Variants in PRKCE observed in about 807,000 individuals in gnomAD.
PRKCE encodes protein kinase C epsilon type.
In PRKCE, 16 loss-of-function variants were observed where a neutral mutation model predicts 85.4. The observed-to-expected ratio is 0.19, with a 90% confidence interval of 0.13 to 0.28. PRKCE has a LOEUF of 0.28. PRKCE is among the 10% of genes least tolerant of loss of function. PRKCE has a pLI of 1.00. For synonymous variants in PRKCE, 388 were observed against 371.5 expected (o/e 1.04, Z -0.51); for missense variants, 573 against 975.2 (o/e 0.59, Z 5.49).
At chr2:46,156,273 C>A (rs1677197826) in intron 13 of PRKCE, among the ~76,000 whole-genome samples, 3 of 152,128 alleles carry the variant, frequency 2.0e-5, no homozygotes, top group Non-Finnish European at 4.4e-5. Context: ...TAGGTACATT[C>A]CTCCTTCAGG....
At chr2:46,076,454 T>C (rs908819355) in intron 10 of PRKCE, among the ~76,000 whole-genome samples, 1 of 152,158 alleles carries the variant, frequency 6.6e-6, no homozygotes, top group African/African-American at 2.4e-5. Context: ...GGTCATTCCC[T>C]GGGATAAGCA....
chr2:46,108,342 C>T (rs1286199662), intron 11 of PRKCE, among the ~76,000 whole-genome samples: 1 of 152,204 alleles, frequency 6.6e-6, no homozygotes, highest in South Asian at 2.1e-4. Context: ...TTAATGAAAT[C>T]ATATCTTTTG....
At chr2:46,118,866 A>G (rs1673035462) in intron 11 of PRKCE, among the ~76,000 whole-genome samples, 1 of 152,180 alleles carries the variant, frequency 6.6e-6, no homozygotes, top group African/African-American at 2.4e-5. Flanking sequence ...AGCCTCCAAG[A>G]AAGCAGAGAC....
intron 1 of PRKCE, among the ~76,000 whole-genome samples, chr2:45,787,564 T>C (rs942706343): frequency 6.6e-6 from 1 of 152,072 alleles, no homozygotes; most frequent in Non-Finnish European, 1.5e-5. Flanking sequence ...GGGAACCTGA[T>C]GAGAGGGAGG....
intron 1 of PRKCE, among the ~76,000 whole-genome samples, chr2:45,654,463 G>A (rs1196911001): frequency 2.0e-5 from 3 of 152,240 alleles, no homozygotes; most frequent in South Asian, 2.1e-4. Flanking sequence ...GTTGGGGACC[G>A]AGGGTCACAT....
intron 1 of PRKCE, among the ~76,000 whole-genome samples, chr2:45,773,898 G>A (rs2104937909): frequency 6.6e-6 from 1 of 152,280 alleles, no homozygotes; most frequent in East Asian, 1.9e-4. Flanking sequence ...CTGGGCAGCT[G>A]CCCAAGGCTG....
intron 1 of PRKCE, among the ~76,000 whole-genome samples, chr2:45,660,423 CCT>C (rs2103739604): frequency 6.6e-6 from 1 of 152,204 alleles, no homozygotes; most frequent in South Asian, 2.1e-4. Flanking sequence ...AATTTTCTAC[CCT>C]CTGAGTGCCC....
intron 2 of PRKCE, among the ~76,000 whole-genome samples, chr2:45,950,575 G>T (rs1033056091): frequency 2.6e-5 from 4 of 152,124 alleles, no homozygotes; most frequent in Non-Finnish European, 5.9e-5. Flanking sequence ...CATTACCAGG[G>T]TTTATGCTCG....
At chr2:46,043,230 C>G (rs544553094) in intron 10 of PRKCE, among the ~76,000 whole-genome samples, 2 of 152,130 alleles carry the variant, frequency 1.3e-5, no homozygotes, top group Non-Finnish European at 2.9e-5. Flanking sequence ...ACAATTAGGT[C>G]CTTAATCTGT....
chr2:45,881,333 C>G (rs1489116738), intron 2 of PRKCE, among the ~76,000 whole-genome samples: 6 of 152,040 alleles, frequency 3.9e-5, no homozygotes, highest in Non-Finnish European at 7.4e-5. Flanking sequence ...GGCTGGAAAA[C>G]AAAGGATGAG....
chr2:45,837,227 A>C (rs1690957286), intron 1 of PRKCE, among the ~76,000 whole-genome samples: 1 of 152,204 alleles, frequency 6.6e-6, no homozygotes, highest in Non-Finnish European at 1.5e-5. Flanking sequence ...AGGAAGAAAC[A>C]TGAGACTGAG....
intron 10 of PRKCE, among the ~76,000 whole-genome samples, chr2:46,070,291 C>A (rs2103721676): frequency 6.6e-6 from 1 of 152,262 alleles, no homozygotes; most frequent in Non-Finnish European, 1.5e-5. Context: ...CTGTGTGGAC[C>A]CTCAATACAC....
chr2:45,979,103 T>C, intron 4 of PRKCE, 93 bp downstream of exon 4: 1 of 1,194,168 alleles, frequency 8.4e-7, no homozygotes, highest in Non-Finnish European at 1.2e-6. Flanking sequence ...TCTGATGACA[T>C]TTGGAGGCTC....
intron 1 of PRKCE, among the ~76,000 whole-genome samples, chr2:45,787,887 G>A (rs1383711692): frequency 6.6e-6 from 1 of 152,130 alleles, no homozygotes; most frequent in Non-Finnish European, 1.5e-5. Flanking sequence ...TGTAACCAGC[G>A]GCCCATCCAG....
At chr2:45,957,255 G>T (rs1701034752) in intron 2 of PRKCE, among the ~76,000 whole-genome samples, 1 of 152,274 alleles carries the variant, frequency 6.6e-6, no homozygotes, top group Admixed American at 6.5e-5. Flanking sequence ...TATAGTTTAG[G>T]TTTTACGTTT....
chr2:45,872,434 C>T (rs2105759316), intron 2 of PRKCE, among the ~76,000 whole-genome samples: 1 of 152,276 alleles, frequency 6.6e-6, no homozygotes, highest in South Asian at 2.1e-4. Context: ...TGAATTAAAG[C>T]TGGAGTCGTA....
At chr2:45,740,473 T>C (rs966686868) in intron 1 of PRKCE, among the ~76,000 whole-genome samples, 1 of 152,098 alleles carries the variant, frequency 6.6e-6, no homozygotes, top group South Asian at 2.1e-4. Context: ...TCCTTTATGC[T>C]CTTTCCCCCT....
chr2:45,703,280 T>C (rs928979221), intron 1 of PRKCE, among the ~76,000 whole-genome samples: 2 of 152,068 alleles, frequency 1.3e-5, no homozygotes, highest in African/African-American at 4.8e-5. Flanking sequence ...CACATCTGTA[T>C]TCCTAGCACT....
At position 46,059,892 on chromosome 2, in the gene PRKCE, T is replaced by A. The variant is rs1161909964; in HGVS notation, c.1438-26316T>A. Among the ~76,000 whole-genome samples the A allele has an allele frequency of 4.6e-5, 7 of 152,236 alleles. No homozygotes were observed. In the East Asian group the frequency reaches 1.3e-3, roughly 29 times the overall value. ...CTTGTAATTTGCTTATTTCAGCATTTGAATTATTTTTGAAATAAACTTAAC... is the reference window on the plus strand; with the variant it reads ...CTTGTAATTTGCTTATTTCAGCATTAGAATTATTTTTGAAATAAACTTAAC... On this transcript the variant is annotated intron_variant, in intron 10 of 14. Coordinates refer to ENST00000306156, the MANE Select transcript of PRKCE (RefSeq NM_005400.3).
Sources: allele counts gnomAD v4.1 joint callset (sites outside exome capture counted in the v4.1 genomes callset), GRCh38; gene constraint gnomAD v4.1.1; transcripts MANE v1.5; gene names NCBI Gene and HGNC (gene_info 2026-07-23, HGNC 2026-07-21).